The following LETM2 variants were observed in gnomAD, a reference collection of about 807,000 sequenced individuals.
LETM2 encodes LETM1 domain-containing protein LETM2, mitochondrial.
LETM2 carries 58 observed loss-of-function variants against 59.6 expected under a neutral mutation model. The ratio of observed to expected loss-of-function variants is 0.97; its 90% CI spans 0.79 to 1.21. The LOEUF is 1.21. Among genes scored for constraint, LETM2 ranks in the 50% most tolerant of loss-of-function variants. LETM2 has a pLI of 0.00. For synonymous variants in LETM2, 199 were observed against 214.1 expected (o/e 0.93, Z 0.62); for missense variants, 572 against 575.7 (o/e 0.99, Z 0.07).
At chr8:38,389,316 A>C (rs1304968191) in intron 2 of LETM2, among the ~76,000 whole-genome samples, 1 of 152,084 alleles carries the variant, frequency 6.6e-6, no homozygotes, top group Non-Finnish European at 1.5e-5. Flanking sequence ...TCCTGGGTTC[A>C]AGTGAGTCTC....
intron 2 of LETM2, among the ~76,000 whole-genome samples, chr8:38,391,449 C>A (rs1812265221): frequency 6.6e-6 from 1 of 150,956 alleles, no homozygotes; most frequent in Non-Finnish European, 1.5e-5. Context: ...ACTACAGGCA[C>A]GTGCCACCAC....
In LETM2 at chr8:38,392,910, T is replaced by C. The variant is rs747325319; in HGVS notation, c.416T>C (p.Leu139Ser). The C allele has an allele frequency of 6.2e-7, 1 of 1,613,534 alleles. No individual in the cohort carries two copies. ...ELKYYYNGFY[L>S]LWIDAKVAAR... ...AAATATTATTACAATGGATTCTACT[T>C]ACTTTGGATTGACGCCAAAGTTGCT... The change falls in exon 3 of 11, where the codon TTA becomes TCA. Residue 139 changes from leucine (L) to serine (S), a missense_variant. Coordinates refer to ENST00000379957, the MANE Select transcript of LETM2 (RefSeq NM_001286819.2).
intron 4 of LETM2, 42 bp downstream of exon 4, chr8:38,394,283 A>G (rs1812516753): frequency 1.6e-6 from 2 of 1,258,208 alleles, no homozygotes; most frequent in African/African-American, 1.5e-5. Flanking sequence ...AAACCTTATT[A>G]GAGGAGTTTT....
intron 8 of LETM2, 160 bp from the exon 9 acceptor site, chr8:38,406,786 G>A (rs1813754729): frequency 1.9e-6 from 1 of 528,340 alleles, no homozygotes; most frequent in East Asian, 2.9e-5. Context: ...TACATCAGGG[G>A]CATATTTCAT....
chr8:38,404,320 A>G, intron 7 of LETM2, 73 bp from the exon 8 acceptor site: 1 of 1,014,406 alleles, frequency 9.9e-7, no homozygotes, highest in Non-Finnish European at 1.5e-6. Context: ...TCAGCCAGGG[A>G]GGGTAGATGA....
rs186056898 is a variant in LETM2, at chr8:38,401,161, A to G, written c.984+108A>G. On this transcript the variant is annotated intron_variant, in intron 6 of 10. Transcript: ENST00000379957. ...TTTTTTGTTTTTGTTTTTGTTTTTGAGACAAAGTCTTGCTCTGTCACCCAG... is the reference window on the plus strand; with the variant it reads ...TTTTTTGTTTTTGTTTTTGTTTTTGGGACAAAGTCTTGCTCTGTCACCCAG... The G allele has an allele frequency of 1.9e-4, 178 of 919,318 alleles. No individual in the cohort carries two copies. In the Admixed American group the frequency reaches 4.2e-3, roughly 22 times the overall value. The allele number at this position is 919,318 out of a possible 1,614,324, so 56.9% of individuals were successfully genotyped here.
rs1273559587 is a variant in LETM2 at position 38,408,872 on chromosome 8, G to C, written c.*598G>C. 2 of 152,390 alleles carry C rather than the reference G, an allele frequency of 1.3e-5. No individual in the cohort carries two copies. Among genetic ancestry groups the C allele is most frequent in the African/African-American group, 4.8e-5 (2 of 41,460 alleles). 9.4% of individuals were successfully genotyped at this position (152,390 alleles called of 1,614,324 possible). On this transcript the variant is annotated 3_prime_UTR_variant, in exon 11 of 11. Coordinates refer to ENST00000379957, the MANE Select transcript of LETM2 (RefSeq NM_001286819.2). ...CCGACACCTCCATCTTGGGCCTGCA[G>C]AGGCTGCAGCAATCTGTGAGGCAGC... is the stretch of plus-strand genomic sequence containing the variant.
upstream of LETM2, chr8:38,386,429 A>G (rs977957527): frequency 1.3e-5 from 2 of 152,136 alleles, no homozygotes; most frequent in African/African-American, 4.8e-5. Flanking sequence ...TTGGTTGGCG[A>G]TGTCGTCACT....
At chr8:38,390,467 T>A (rs1313515355) in intron 2 of LETM2, among the ~76,000 whole-genome samples, 1 of 150,910 alleles carries the variant, frequency 6.6e-6, no homozygotes, top group Admixed American at 6.6e-5. Flanking sequence ...ACTAAAAATA[T>A]AAAGATTAGC....
chr8:38,384,986 G>A (rs1482280604), upstream of LETM2, among the ~76,000 whole-genome samples: 2 of 152,220 alleles, frequency 1.3e-5, no homozygotes, highest in Non-Finnish European at 2.9e-5. Flanking sequence ...AAATTAGTGT[G>A]AAAACTACAT....
In LETM2 at chr8:38,393,836, A is replaced by T. The variant is rs1292844387; in HGVS notation, c.502-262A>T. The T allele has an allele frequency of 3.2e-5, 10 of 316,488 alleles. No homozygotes were observed. In the East Asian group the frequency reaches 5.2e-4, roughly 17 times the overall value. 19.6% of individuals were successfully genotyped at this position (316,488 alleles called of 1,614,324 possible). ...GCCTCTTCATTTTATAAACAGCTGC[A>T]GAAAACCTGTCTTGGGTTTTTAACA... On this transcript the variant is annotated intron_variant, in intron 3 of 10. Coordinates refer to ENST00000379957, the MANE Select transcript of LETM2 (RefSeq NM_001286819.2).
At position 38,401,182 on chromosome 8, in the gene LETM2, C is replaced by T. The variant is rs1813191041; in HGVS notation, c.984+129C>T. 4 of 757,636 alleles carry T rather than the reference C, an allele frequency of 5.3e-6. No individual in the cohort carries two copies. In the African/African-American group the frequency reaches 7.0e-5, roughly 13 times the overall value. The allele number at this position is 757,636 out of a possible 1,614,324, so 46.9% of individuals were successfully genotyped here. On this transcript the variant is annotated intron_variant, in intron 6 of 10. Transcript: ENST00000379957. The stretch of plus-strand genomic sequence containing the variant: ...TTTGAGACAAAGTCTTGCTCTGTCA[C>T]CCAGGCTGCAGTGGCGCAATCCTGG...
At chr8:38,401,717 G>A (rs1386327351) in intron 6 of LETM2, 1 of 153,438 alleles carries the variant, frequency 6.5e-6, no homozygotes, top group Non-Finnish European at 1.5e-5. Context: ...CGGGAAGCTG[G>A]TGCCAAAGTC....
intron 10 of LETM2, 196 bp from the exon 11 acceptor site, chr8:38,408,016 C>G (rs1187261524): frequency 3.8e-6 from 2 of 529,112 alleles, no homozygotes; most frequent in Non-Finnish European, 6.8e-6. Flanking sequence ...ATGGGGTAAG[C>G]CCAGAAAAGC....
In LETM2 at chr8:38,408,272, T is replaced by C; in HGVS notation, c.1474T>C (p.Ter492GlnextTer4). The stretch of plus-strand genomic sequence containing the variant: ...CAGCAAGGCTAGTTCAAAAGGAGCA[T>C]AAAGGACTACTTGAGGATGGAGCTC... ...QNSKASSKGA* is the reference protein window; with the variant it reads ...QNSKASSKGAQ The change falls in exon 11 of 11, where the codon TAA becomes CAA. Residue 492 changes from the stop codon to glutamine, a stop_lost. Transcript: ENST00000379957. The C allele has an allele frequency of 3.1e-6, 5 of 1,612,268 alleles. No homozygotes were observed. Among genetic ancestry groups the C allele is most frequent in the Non-Finnish European group, 4.2e-6 (5 of 1,179,108 alleles).
chr8:38,389,516 C>A (rs1812043693), intron 2 of LETM2, among the ~76,000 whole-genome samples: 1 of 151,984 alleles, frequency 6.6e-6, no homozygotes, highest in African/African-American at 2.4e-5. Flanking sequence ...CCGTGCCCGG[C>A]CACCATTTAT....
chr8:38,388,590 A>G (rs1180403042), intron 2 of LETM2, among the ~76,000 whole-genome samples: 3 of 148,676 alleles, frequency 2.0e-5, no homozygotes, highest in Non-Finnish European at 4.5e-5. Context: ...GCATGGTGGC[A>G]GGTACCTATA....
chr8:38,397,486 G>A (rs1812781096), intron 4 of LETM2, among the ~76,000 whole-genome samples: 1 of 152,228 alleles, frequency 6.6e-6, no homozygotes, highest in African/African-American at 2.4e-5. Flanking sequence ...ATTTAACATG[G>A]CTCAGTGGCA....
At chr8:38,383,952 T>C (rs1811675124), upstream of LETM2, among the ~76,000 whole-genome samples, 1 of 151,480 alleles carries the variant, frequency 6.6e-6, no homozygotes, top group Non-Finnish European at 1.5e-5. Flanking sequence ...AAAAATCTCA[T>C]TACTATTAAT....
Sources: allele counts gnomAD v4.1 joint callset (sites outside exome capture counted in the v4.1 genomes callset), GRCh38; gene constraint gnomAD v4.1.1; transcripts MANE v1.5; gene names NCBI Gene and HGNC (gene_info 2026-07-23, HGNC 2026-07-21).